The following LEPROTL1 variants were observed in gnomAD, a reference collection of about 807,000 sequenced individuals.
LEPROTL1 encodes the protein leptin receptor overlapping transcript like 1.
A neutral mutation model predicts 15.4 loss-of-function variants in LEPROTL1; 6 were observed. The observed-to-expected ratio is 0.39, with a 90% CI of 0.21 to 0.77. The LOEUF (loss-of-function observed/expected upper bound fraction) is 0.77, where lower values mean the gene tolerates loss of function less well. LEPROTL1 is among the 30% of genes least tolerant of loss of function. The pLI is 0.41. For synonymous variants in LEPROTL1, 56 were observed against 52.6 expected (o/e 1.06, Z -0.28); for missense variants, 128 against 158.1 (o/e 0.81, Z 1.02).
Position 30,104,308 on chromosome 8 carries a change from G to T in LEPROTL1, c.101G>T (p.Trp34Leu). ...TATTTTTCTTTTTCTAGCAAATACT[G>T]GCCCCTCTTTGTTCTATTTTTTTAC... is the stretch of plus-strand genomic sequence containing the variant. ...GCALPIYNKY[W>L]PLFVLFFYIL... The change falls in exon 3 of 4, where the codon TGG (tryptophan) becomes TTG (leucine). Residue 34 changes from tryptophan (W) to leucine (L), a missense_variant. Trp to Leu is a moderately conservative substitution (Grantham distance 61, BLOSUM62 -2). Transcript: ENST00000321250. 1.3e-6 allele frequency: 2 copies of T among 1,501,314 alleles called. No individual in the cohort carries two copies. Among genetic ancestry groups the T allele is most frequent in the Non-Finnish European group, 1.8e-6 (2 of 1,117,906 alleles). 93.0% of individuals were successfully genotyped at this position (1,501,314 alleles called of 1,614,324 possible).
At chr8:30,102,669 T>A (rs201881023) in intron 2 of LEPROTL1, among the ~76,000 whole-genome samples, 1,987 of 150,642 alleles carry the variant, frequency 0.013, 43 homozygotes, top group East Asian at 0.074. Flanking sequence ...AAAAAAAAAA[T>A]TTCTTTCCTT....
At chr8:30,112,804 TAGTG>T (rs1022607313), downstream of LEPROTL1, among the ~76,000 whole-genome samples, 4 of 152,206 alleles carry the variant, frequency 2.6e-5, no homozygotes, top group African/African-American at 9.6e-5. Flanking sequence ...CTCACATAGA[TAGTG>T]AATGTTAGAT....
At position 30,107,588 on chromosome 8, in the gene LEPROTL1, G is replaced by A. The variant is rs564116799; in HGVS notation, c.*1726G>A. 3 of 985,844 alleles carry A rather than the reference G, an allele frequency of 3.0e-6. No individual in the cohort carries two copies. The African/African-American group carries it at 5.2e-5, about 17-fold the overall frequency. The allele number at this position is 985,844 out of a possible 1,614,324, so 61.1% of individuals were successfully genotyped here. A position where few individuals can be genotyped will look rare whatever the true frequency, so the allele number is the denominator to read the frequency against. On this transcript the variant is annotated 3_prime_UTR_variant, in exon 4 of 4. Transcript: ENST00000321250. ...CATGACTTTTAGATATGAGATGACG[G>A]GAAGCAGGACGAAATATCGGCGTGT...
chr8:30,099,992 T>A (rs1326157290), intron 1 of LEPROTL1, among the ~76,000 whole-genome samples: 1 of 152,218 alleles, frequency 6.6e-6, no homozygotes, highest in Non-Finnish European at 1.5e-5. Context: ...AAATGGTAAA[T>A]TCAGTGTTTT....
At chr8:30,134,605 G>A (rs776608444) in intron 4 of LEPROTL1, among the ~76,000 whole-genome samples, 8 of 146,370 alleles carry the variant, frequency 5.5e-5, no homozygotes, top group Non-Finnish European at 1.1e-4. Context: ...GCAGTGGCGC[G>A]ATCTCAGCCG....
In LEPROTL1 at chr8:30,106,327, A is replaced by T. The variant is rs1383926945; in HGVS notation, c.*465A>T. ...AAAAATAAGTTTTCAGTCAGTCAGG[A>T]TGACATCACTCCCAATGTTATGCAG... On this transcript the variant is annotated 3_prime_UTR_variant, in exon 4 of 4. Coordinates refer to ENST00000321250, the MANE Select transcript of LEPROTL1 (RefSeq NM_015344.3). The T allele has an allele frequency of 4.1e-6, 4 of 986,866 alleles. No homozygotes were observed. The highest frequency in any genetic ancestry group is 4.8e-6 in the Non-Finnish European group (4 of 830,620). 61.1% of individuals were successfully genotyped at this position (986,866 alleles called of 1,614,324 possible).
chr8:30,101,811 G>A (rs915791474), intron 1 of LEPROTL1, 87 bp from the exon 2 acceptor site: 5 of 778,272 alleles, frequency 6.4e-6, no homozygotes, highest in African/African-American at 1.8e-5. Context: ...TTTTGCTTCT[G>A]AGGTTACAGA....
intron 3 of LEPROTL1, among the ~76,000 whole-genome samples, chr8:30,118,652 T>C (rs1427073948): frequency 6.6e-6 from 1 of 152,160 alleles, no homozygotes; most frequent in Non-Finnish European, 1.5e-5. Context: ...AGACTGGCGC[T>C]CAGCATATGG....
rs1304453833 is a variant in LEPROTL1, at chr8:30,105,848, TG to T, written c.384del (p.Trp128CysfsTer44). On this transcript the variant is annotated frameshift_variant, in exon 4 of 4. Coordinates refer to ENST00000321250, the MANE Select transcript of LEPROTL1 (RefSeq NM_015344.3). LOFTEE classifies it high-confidence loss of function. ...CTTTGGAAGCAATGACGACTTCAGC[TG>T]GCAGCAGTGGTGAAAAGAAATTACT... ...LVFGSNDDFS[W>X]QQW 6.5e-7 allele frequency: 1 copy of T among 1,547,366 alleles called. No individual in the cohort carries two copies. Among genetic ancestry groups the T allele is most frequent in the African/African-American group, 1.4e-5 (1 of 70,526 alleles).
At chr8:30,123,050 G>C (rs1476416916) in intron 3 of LEPROTL1, among the ~76,000 whole-genome samples, 2 of 152,148 alleles carry the variant, frequency 1.3e-5, no homozygotes, top group Non-Finnish European at 2.9e-5. Flanking sequence ...CACTTACATA[G>C]CTGGCAATTG....
chr8:30,132,762 C>A, intron 4 of LEPROTL1: 3 of 1,551,748 alleles, frequency 1.9e-6, no homozygotes, highest in Non-Finnish European at 2.6e-6. Flanking sequence ...TGAAATAGGG[C>A]AGTGCCTTAC....
In LEPROTL1 at chr8:30,106,056, T is replaced by G. The variant is rs1373459569; in HGVS notation, c.*194T>G. 4.4e-6 allele frequency: 5 copies of G among 1,127,486 alleles called. No homozygotes were observed. Among genetic ancestry groups the G allele is most frequent in the Non-Finnish European group, 5.5e-6 (5 of 917,280 alleles). The allele number at this position is 1,127,486 out of a possible 1,614,324, so 69.8% of individuals were successfully genotyped here. ...CTGAAGGATTAAAAGGATTTTCTCT[T>G]TTGGAAAAGCTTGACTGATTTCACA... On this transcript the variant is annotated 3_prime_UTR_variant, in exon 4 of 4. Transcript: ENST00000321250.
chr8:30,127,049 A>G (rs1458476183), intron 3 of LEPROTL1, among the ~76,000 whole-genome samples: 1 of 152,146 alleles, frequency 6.6e-6, no homozygotes, highest in Non-Finnish European at 1.5e-5. Flanking sequence ...GAAAAAAAAA[A>G]AAGAAAATAC....
downstream of LEPROTL1, among the ~76,000 whole-genome samples, chr8:30,112,812 G>T (rs1346666299): frequency 6.6e-6 from 1 of 152,028 alleles, no homozygotes; most frequent in Non-Finnish European, 1.5e-5. Context: ...GATAGTGAAT[G>T]TTAGATGTTC....
chr8:30,137,350 C>G (rs1172759698), exon 5 of LEPROTL1: 3 of 1,551,692 alleles, frequency 1.9e-6, no homozygotes, highest in African/African-American at 1.4e-5. Context: ...GCAGCTGCCT[C>G]TCCCAGCAGC....
intron 1 of LEPROTL1, among the ~76,000 whole-genome samples, chr8:30,096,642 T>C (rs985904686): frequency 1.2e-4 from 18 of 152,224 alleles, no homozygotes; most frequent in Non-Finnish European, 2.5e-4. Context: ...AAGGCAGTTA[T>C]TGTGAATTGC....
chr8:30,107,522 A>C lies in LEPROTL1; in HGVS notation c.*1660A>C. ...TTGGGATTTGTTCAGCTTTTTTACT[A>C]AAGATGCCTAAAGCCACAGGTTTTA... On this transcript the variant is annotated 3_prime_UTR_variant, in exon 4 of 4. Transcript: ENST00000321250. The C allele has an allele frequency of 3.0e-6, 3 of 985,822 alleles. No homozygotes were observed. Among genetic ancestry groups the C allele is most frequent in the Non-Finnish European group, 3.6e-6 (3 of 829,908 alleles). The allele number at this position is 985,822 out of a possible 1,614,324, so 61.1% of individuals were successfully genotyped here.
chr8:30,136,091 C>T (rs1803132948), intron 4 of LEPROTL1, among the ~76,000 whole-genome samples: 1 of 152,132 alleles, frequency 6.6e-6, no homozygotes, highest in African/African-American at 2.4e-5. Flanking sequence ...AGGTAGCCTC[C>T]AAATGCCACC....
chr8:30,107,845 A>G lies in LEPROTL1; in HGVS notation c.*1983A>G, dbSNP rs967249523. The G allele has an allele frequency of 1.0e-6, 1 of 985,360 alleles. No homozygotes were observed. The highest frequency in any genetic ancestry group is 1.2e-6 in the Non-Finnish European group (1 of 829,910). The allele number at this position is 985,360 out of a possible 1,614,324, so 61.0% of individuals were successfully genotyped here. On this transcript the variant is annotated 3_prime_UTR_variant, in exon 4 of 4. Coordinates refer to ENST00000321250, the MANE Select transcript of LEPROTL1 (RefSeq NM_015344.3). ...CTGCTACTGTTTTATCCACTTGGCC[A>G]CAGACTTTTTCTAACAGCTGCGTAT...
Sources: allele counts gnomAD v4.1 joint callset (sites outside exome capture counted in the v4.1 genomes callset), GRCh38; gene constraint gnomAD v4.1.1; transcripts MANE v1.5; gene names NCBI Gene and HGNC (gene_info 2026-07-23, HGNC 2026-07-21).